The following DYNC1LI1 variants were observed in gnomAD, a reference collection of about 807,000 sequenced individuals.
DYNC1LI1 encodes the protein cytoplasmic dynein 1 light intermediate chain 1.
DYNC1LI1 carries 19 observed loss-of-function variants against 63.8 expected under a neutral mutation model. The observed-to-expected ratio is 0.30, with a 90% CI of 0.21 to 0.44. The LOEUF is 0.44. Among genes scored for constraint, DYNC1LI1 ranks in the 20% least tolerant of loss-of-function variants. DYNC1LI1 has a pLI of 1.00. For missense variants in DYNC1LI1, 565 were observed against 630.2 expected, an observed-to-expected ratio of 0.90 and a Z score of 1.11; for synonymous variants, 225 against 232.3, an observed-to-expected ratio of 0.97 and a Z score of 0.28.
At chr3:32,537,130 A>T in intron 5 of DYNC1LI1, 26 bp from the exon 6 acceptor site, 1 of 1,259,698 alleles carries the variant, frequency 7.9e-7, no homozygotes, top group Non-Finnish European at 1.1e-6. Context: ...AATTAAAAAT[A>T]ATACATTTAA....
intron 2 of DYNC1LI1, among the ~76,000 whole-genome samples, chr3:32,567,452 G>A (rs958321369): frequency 2.6e-5 from 4 of 152,038 alleles, no homozygotes; most frequent in African/African-American, 9.7e-5. Flanking sequence ...AGTACTTAGG[G>A]CTATATCATT....
intron 10 of DYNC1LI1, 50 bp downstream of exon 10, chr3:32,530,231 TAAA>T: frequency 7.0e-7 from 1 of 1,431,828 alleles, no homozygotes; most frequent in Non-Finnish European, 9.4e-7. Context: ...AAAAAATAAC[TAAA>T]ATAATATGTA....
Position 32,570,436 on chromosome 3 carries a change from C to A in DYNC1LI1, c.147-17G>T. 2 of 1,586,444 alleles carry A rather than the reference C, an allele frequency of 1.3e-6. No individual in the cohort carries two copies. The highest frequency in any genetic ancestry group is 2.3e-5 in the East Asian group (1 of 42,948). ...ATGCAGGACCTAACGGGAAGCAAGG[C>A]GTACGGTGAGGCCGGAGGCCGGAGC... On this transcript the variant is annotated splice_polypyrimidine_tract_variant and intron_variant, in intron 1 of 12. Coordinates refer to ENST00000273130, the MANE Select transcript of DYNC1LI1 (RefSeq NM_016141.4).
intron 2 of DYNC1LI1, among the ~76,000 whole-genome samples, chr3:32,562,166 G>C (rs1476032608): frequency 6.6e-6 from 1 of 152,040 alleles, no homozygotes; most frequent in Non-Finnish European, 1.5e-5. Context: ...AGGAGGCTGA[G>C]GCAGGAAAAT....
Position 32,570,825 on chromosome 3 carries a change from G to A in DYNC1LI1, c.-55C>T. 1.9e-6 allele frequency: 3 copies of A among 1,558,932 alleles called. No individual in the cohort carries two copies. The highest frequency in any genetic ancestry group is 1.2e-5 in the South Asian group (1 of 85,466). ...AGACTAAATGTGCGAGGCGGCTGAG[G>A]CGGTGGCGGTGGAGGCGGCGGGAAC... On this transcript the variant is annotated 5_prime_UTR_variant, in exon 1 of 13. Coordinates refer to ENST00000273130, the MANE Select transcript of DYNC1LI1 (RefSeq NM_016141.4).
chr3:32,529,519 A>T, intron 11 of DYNC1LI1, 21 bp downstream of exon 11: 5 of 1,589,778 alleles, frequency 3.1e-6, no homozygotes, highest in Non-Finnish European at 4.3e-6. Flanking sequence ...TTGTCTTGTT[A>T]TCTCCTAGAA....
chr3:32,547,911 G>GTGTGTATA (rs756329972), intron 2 of DYNC1LI1, among the ~76,000 whole-genome samples: 2 of 152,126 alleles, frequency 1.3e-5, no homozygotes, highest in Non-Finnish European at 2.9e-5. Flanking sequence ...GTACGTGTAT[G>GTGTGTATA]TGTGTATATG....
At chr3:32,537,974 T>TA (rs67867004) in intron 5 of DYNC1LI1, among the ~76,000 whole-genome samples, 3 of 20,518 alleles carry the variant, frequency 1.5e-4, no homozygotes, top group Admixed American at 7.3e-4. Context: ...ATATATATAT[T>TA]TATATATAAT....
intron 2 of DYNC1LI1, among the ~76,000 whole-genome samples, chr3:32,555,579 T>A (rs1698104172): frequency 6.6e-6 from 1 of 152,204 alleles, no homozygotes; most frequent in Non-Finnish European, 1.5e-5. Flanking sequence ...TCCTCCCAGT[T>A]CTCTTCTCCT....
chr3:32,546,737 TCA>T (rs1347744095), intron 2 of DYNC1LI1, among the ~76,000 whole-genome samples: 1 of 152,044 alleles, frequency 6.6e-6, no homozygotes, highest in African/African-American at 2.4e-5. Flanking sequence ...TCCCTGTACA[TCA>T]GGACAGGGAA....
chr3:32,557,178 A>C (rs1005973709), intron 2 of DYNC1LI1, among the ~76,000 whole-genome samples: 1 of 152,170 alleles, frequency 6.6e-6, no homozygotes, highest in Non-Finnish European at 1.5e-5. Flanking sequence ...AGGATAAAAA[A>C]TATTAAAGTT....
Position 32,545,922 on chromosome 3 carries a change from C to T in DYNC1LI1, c.264G>A (p.Gln88=). ...TTCCTTTCTTATACTCCTCTATTCC[C>T]TGAATTTTTCTTATTAAGCTTGTTT... ...AGKTSLIRKI[Q]GIEEYKKGRG... is the part of the protein sequence containing the mutation. Residue 88 remains glutamine, a synonymous_variant, in exon 3 of 13, where the codon CAG becomes CAA. Coordinates refer to ENST00000273130, the MANE Select transcript of DYNC1LI1 (RefSeq NM_016141.4). 1 of 1,612,556 alleles carries T rather than the reference C, an allele frequency of 6.2e-7. No homozygotes were observed. The highest frequency in any genetic ancestry group is 8.5e-7 in the Non-Finnish European group (1 of 1,179,100).
At chr3:32,566,194 C>A (rs918397340) in intron 2 of DYNC1LI1, among the ~76,000 whole-genome samples, 2 of 151,970 alleles carry the variant, frequency 1.3e-5, no homozygotes, top group African/African-American at 4.8e-5. Context: ...ACGGTTTGAG[C>A]CCAGGAGGCA....
chr3:32,564,837 T>A (rs904630606), intron 2 of DYNC1LI1, among the ~76,000 whole-genome samples: 5 of 152,182 alleles, frequency 3.3e-5, no homozygotes, highest in Non-Finnish European at 7.3e-5. Context: ...AACACTCTCA[T>A]TATTTTTATA....
rs533888268 is a variant in DYNC1LI1, at chr3:32,551,591, T to A, written c.221-5626A>T. Among the ~76,000 whole-genome samples, 18 of 151,802 alleles carry A rather than the reference T, an allele frequency of 1.2e-4. No homozygotes were observed. In the South Asian group the frequency reaches 3.5e-3, roughly 30 times the overall value. On this transcript the variant is annotated intron_variant, in intron 2 of 12. Coordinates refer to ENST00000273130, the MANE Select transcript of DYNC1LI1 (RefSeq NM_016141.4). ...TGACTGACAAGAGTAAGTTTAGGAG[T>A]AAAGAGACAAGACAATAGGCTATTA...
At chr3:32,562,808 T>A (rs566670372) in intron 2 of DYNC1LI1, among the ~76,000 whole-genome samples, 1 of 152,198 alleles carries the variant, frequency 6.6e-6, no homozygotes, top group African/African-American at 2.4e-5. Context: ...GAGGTTCTAA[T>A]TTGTCCACAA....
intron 2 of DYNC1LI1, among the ~76,000 whole-genome samples, chr3:32,558,202 CA>C: frequency 6.6e-6 from 1 of 152,088 alleles, no homozygotes; most frequent in Admixed American, 6.5e-5. Flanking sequence ...CACTGCTCTC[CA>C]GCCTGGGCAA....
chr3:32,541,162 G>C lies in DYNC1LI1; in HGVS notation c.613C>G (p.Pro205Ala). 6.2e-7 allele frequency: 1 copy of C among 1,612,182 alleles called. No homozygotes were observed. The highest frequency in any genetic ancestry group is 8.5e-7 in the Non-Finnish European group (1 of 1,178,768). The part of the protein sequence containing the change: ...QEYVEPGEDF[P>A]ASPQRRNTAS... ...GTATTTCTTCTCTGGGGAGAAGCCG[G>C]GAAGTCTTCTCCTGGCTCTACATAT... The change falls in exon 5 of 13, where the codon CCG (proline) becomes GCG (alanine). Residue 205 changes from proline (P) to alanine (A), a missense_variant. Coordinates refer to ENST00000273130, the MANE Select transcript of DYNC1LI1 (RefSeq NM_016141.4).
intron 6 of DYNC1LI1, among the ~76,000 whole-genome samples, chr3:32,536,526 A>G (rs1697775507): frequency 6.6e-6 from 1 of 152,198 alleles, no homozygotes; most frequent in Admixed American, 6.5e-5. Context: ...TAAAGTTTAG[A>G]TGATTCTCCA....
Sources: allele counts gnomAD v4.1 joint callset (sites outside exome capture counted in the v4.1 genomes callset), GRCh38; gene constraint gnomAD v4.1.1; transcripts MANE v1.5; gene names NCBI Gene and HGNC (gene_info 2026-07-23, HGNC 2026-07-21).